ADAMTSL1: variants seen among roughly 807,000 people sequenced by gnomAD.
ADAMTSL1 encodes ADAMTS-like protein 1.
A neutral mutation model predicts 201.8 loss-of-function variants in ADAMTSL1; 126 were observed. That is an observed-to-expected ratio of 0.62 (90% CI 0.54 to 0.72). The LOEUF is 0.72. Among genes scored for constraint, ADAMTSL1 ranks in the 30% least tolerant of loss-of-function variants. The pLI is 0.00. For missense variants in ADAMTSL1, 2,679 were observed against 2,277.8 expected (o/e 1.18, Z -3.59); for synonymous variants, 1,121 against 903.4 (o/e 1.24, Z -4.32).
intron 2 of ADAMTSL1, among the ~76,000 whole-genome samples, chr9:18,365,233 A>G (rs901849238): frequency 2.6e-5 from 4 of 152,218 alleles, no homozygotes; most frequent in African/African-American, 9.6e-5. Flanking sequence ...ATTGAAGCCC[A>G]TACAAATTAG....
rs777656903 is a variant in ADAMTSL1 at position 18,889,597 on chromosome 9, A to G, written c.4492A>G (p.Thr1498Ala). 1.9e-6 allele frequency: 3 copies of G among 1,613,820 alleles called. No individual in the cohort carries two copies. Among genetic ancestry groups the G allele is most frequent in the Non-Finnish European group, 2.5e-6 (3 of 1,179,828 alleles). The change falls in exon 25 of 29, where the codon ACC (threonine) becomes GCC (alanine). Residue 1498 changes from threonine to alanine, a missense_variant. Physicochemically the swap from Thr to Ala is moderately conservative, Grantham distance 58. Coordinates refer to ENST00000380548, the MANE Select transcript of ADAMTSL1 (RefSeq NM_001040272.6). ...CTGGTGGTCTGTGGACAGACTGGCA[A>G]CCTGCTCAGCCTCCTGTGGTAACCG... ...DYWWSVDRLA[T>A]CSASCGNRGV...
intron 20 of ADAMTSL1, among the ~76,000 whole-genome samples, chr9:18,798,147 T>C (rs1158111491): frequency 6.6e-6 from 1 of 152,096 alleles, no homozygotes; most frequent in African/African-American, 2.4e-5. Flanking sequence ...CCCATGATTT[T>C]ATAAGGAAAG....
At chr9:18,602,314 G>A (rs747330292) in intron 4 of ADAMTSL1, among the ~76,000 whole-genome samples, 1 of 152,176 alleles carries the variant, frequency 6.6e-6, no homozygotes, top group Non-Finnish European at 1.5e-5. Flanking sequence ...AGGACAAAAC[G>A]AAACTTCTGC....
At chr9:18,579,678 C>G (rs78808229) in intron 4 of ADAMTSL1, among the ~76,000 whole-genome samples, 1 of 152,024 alleles carries the variant, frequency 6.6e-6, no homozygotes, top group Non-Finnish European at 1.5e-5. Context: ...AATGAGCAGA[C>G]CTTCTGTTAA....
chr9:18,750,963 A>T (rs941064952), intron 15 of ADAMTSL1, among the ~76,000 whole-genome samples: 7 of 152,102 alleles, frequency 4.6e-5, no homozygotes, highest in African/African-American at 1.7e-4. Context: ...CACCACCGTG[A>T]GTGGGCAAAG....
At chr9:18,294,277 A>G (rs1833385985) in intron 2 of ADAMTSL1, among the ~76,000 whole-genome samples, 1 of 152,200 alleles carries the variant, frequency 6.6e-6, no homozygotes, top group Admixed American at 6.5e-5. Context: ...TAAACTTAGA[A>G]TTCTTCAGGT....
At chr9:17,989,051 C>T (rs748311983) in intron 1 of ADAMTSL1, among the ~76,000 whole-genome samples, 1 of 151,866 alleles carries the variant, frequency 6.6e-6, no homozygotes, top group Non-Finnish European at 1.5e-5. Flanking sequence ...TACCCTCCCA[C>T]TGAAAATGCA....
At chr9:17,996,213 T>C (rs972583392) in intron 1 of ADAMTSL1, among the ~76,000 whole-genome samples, 4 of 152,028 alleles carry the variant, frequency 2.6e-5, no homozygotes, top group African/African-American at 7.2e-5. Context: ...TCTGTAGTTT[T>C]CTTCCACTCT....
chr9:18,723,226 G>C, intron 15 of ADAMTSL1: 1 of 651,184 alleles, frequency 1.5e-6, no homozygotes, highest in Non-Finnish European at 2.8e-6. Flanking sequence ...TCTTTATTTT[G>C]TAGGCAGAAG....
At chr9:18,277,555 A>G (rs1832631352) in intron 2 of ADAMTSL1, among the ~76,000 whole-genome samples, 1 of 152,146 alleles carries the variant, frequency 6.6e-6, no homozygotes, top group Non-Finnish European at 1.5e-5. Context: ...GATAGTTTTT[A>G]ACTTAAAGCC....
chr9:17,940,831 A>G (rs779612178), intron 1 of ADAMTSL1, among the ~76,000 whole-genome samples: 38 of 136,200 alleles, frequency 2.8e-4, no homozygotes, highest in Admixed American at 1.6e-3. Context: ...GAAAGAAATA[A>G]CGACTCGTCA....
chr9:18,445,113 C>A (rs917575370), intron 2 of ADAMTSL1, among the ~76,000 whole-genome samples: 1 of 152,118 alleles, frequency 6.6e-6, no homozygotes, highest in Admixed American at 6.5e-5. Flanking sequence ...TAAATGTACA[C>A]ATTAACTTAC....
chr9:18,584,887 C>G (rs1823380710), intron 4 of ADAMTSL1, among the ~76,000 whole-genome samples: 2 of 152,172 alleles, frequency 1.3e-5, no homozygotes, highest in Non-Finnish European at 2.9e-5. Flanking sequence ...ATTTCCCAGT[C>G]TCCAGAATTG....
chr9:18,645,173 G>T (rs78217843), intron 7 of ADAMTSL1, among the ~76,000 whole-genome samples: 7,733 of 152,278 alleles, frequency 0.051, 246 homozygotes, highest in Middle Eastern at 0.12. Context: ...TCTTTTGGCT[G>T]CAAAAATGTC....
intron 2 of ADAMTSL1, among the ~76,000 whole-genome samples, chr9:18,393,448 G>A (rs1410506551): frequency 6.6e-6 from 1 of 152,054 alleles, no homozygotes; most frequent in East Asian, 1.9e-4. Context: ...CCACATACTG[G>A]GAAACCCCTC....
chr9:18,246,057 G>T (rs149671825), intron 2 of ADAMTSL1, among the ~76,000 whole-genome samples: 2 of 152,094 alleles, frequency 1.3e-5, no homozygotes, highest in African/African-American at 2.4e-5. Flanking sequence ...GCTGCTGTGG[G>T]TAAATTACAG....
intron 3 of ADAMTSL1, among the ~76,000 whole-genome samples, chr9:18,563,109 T>C (rs979240294): frequency 5.9e-5 from 9 of 152,234 alleles, no homozygotes; most frequent in African/African-American, 1.9e-4. Flanking sequence ...GTTTTTGGAA[T>C]TTTCAGCCTT....
At chr9:17,988,559 TTTC>T (rs1478393046) in intron 1 of ADAMTSL1, among the ~76,000 whole-genome samples, 1 of 151,314 alleles carries the variant, frequency 6.6e-6, no homozygotes, top group Non-Finnish European at 1.5e-5. Flanking sequence ...TCTTTTTTCT[TTTC>T]TTTTTTTTTT....
intron 20 of ADAMTSL1, 102 bp downstream of exon 20, chr9:18,795,626 A>C: frequency 8.0e-7 from 1 of 1,254,118 alleles, no homozygotes; most frequent in East Asian, 2.6e-5. Flanking sequence ...AAGGAGACCC[A>C]GATCCCATCT....
Sources: gnomAD v4.1 joint callset for allele counts (sites outside exome capture counted in the v4.1 genomes callset) on GRCh38, gnomAD v4.1.1 for gene constraint, MANE v1.5 for transcripts, NCBI Gene and HGNC (gene_info 2026-07-23, HGNC 2026-07-21) for gene names.